Variants in SNRPN observed in about 807,000 individuals in gnomAD.
SNRPN encodes small nuclear ribonucleoprotein-associated protein N.
Under a neutral mutation model 25.2 loss-of-function variants are expected in SNRPN, and 7 were observed. That is an observed-to-expected ratio of 0.28 (90% CI 0.16 to 0.52). The LOEUF (loss-of-function observed/expected upper bound fraction) is 0.52. Among genes scored for constraint, SNRPN ranks in the 20% least tolerant of loss-of-function variants. The probability of loss-of-function intolerance (pLI) is 0.96; values close to 1 mark genes in which losing one functional copy is unlikely to be tolerated. For missense variants in SNRPN, 196 were observed against 322.5 expected (o/e 0.61, Z 3.00); for synonymous variants, 124 against 110.6 (o/e 1.12, Z -0.76).
chr15:24,886,565 G>T (rs1164425291), exon 2 of SNRPN: 1 of 152,192 alleles, frequency 6.6e-6, no homozygotes, highest in Non-Finnish European at 1.5e-5. Flanking sequence ...CACACAGCTA[G>T]CAGCCACGTG....
intron 2 of SNRPN, among the ~76,000 whole-genome samples, chr15:24,846,560 T>A (rs1372735106): frequency 6.6e-6 from 1 of 152,174 alleles, no homozygotes; most frequent in African/African-American, 2.4e-5. Context: ...ATTTAAATAG[T>A]CATAGAAGGA....
At chr15:24,881,882 G>C (rs2056724141) in intron 1 of SNRPN, among the ~76,000 whole-genome samples, 1 of 152,130 alleles carries the variant, frequency 6.6e-6, no homozygotes, top group African/African-American at 2.4e-5. Context: ...CCAGAACAAA[G>C]CCTGGCTTTA....
chr15:24,955,197 A>G, intron 1 of SNRPN, 135 bp downstream of exon 1: 3 of 1,220,042 alleles, frequency 2.5e-6, no homozygotes, highest in South Asian at 1.3e-5. Context: ...TGTTCTGGAG[A>G]ACCAGATCCG....
chr15:24,883,931 GGGAGGT>G (rs2149855442), intron 1 of SNRPN, among the ~76,000 whole-genome samples: 1 of 150,850 alleles, frequency 6.6e-6, no homozygotes, highest in East Asian at 2.0e-4. Flanking sequence ...GCTTGAGCCT[GGGAGGT>G]GGAGGTTGCA....
intron 1 of SNRPN, among the ~76,000 whole-genome samples, chr15:24,826,435 T>A (rs918051741): frequency 1.3e-5 from 2 of 152,138 alleles, no homozygotes; most frequent in Non-Finnish European, 2.9e-5. Context: ...GCTCATTGCC[T>A]GATGTACTGT....
chr15:24,955,773 G>A (rs893388435), intron 1 of SNRPN, among the ~76,000 whole-genome samples: 3 of 151,696 alleles, frequency 2.0e-5, no homozygotes, highest in African/African-American at 4.8e-5. Context: ...TATTGGCGGC[G>A]GTGGGCATTG....
intron 2 of SNRPN, chr15:24,909,506 G>A: frequency 6.6e-7 from 1 of 1,523,412 alleles, no homozygotes; most frequent in Non-Finnish European, 9.0e-7. Context: ...AAGCCTGCGG[G>A]CCAGCGGCAG....
chr15:24,943,015 C>T (rs572924635), intron 3 of SNRPN, among the ~76,000 whole-genome samples: 2 of 151,112 alleles, frequency 1.3e-5, no homozygotes, highest in African/African-American at 2.4e-5. Flanking sequence ...CACATGGCCA[C>T]AAATGTCTTT....
At chr15:24,854,476 A>G (rs1417004761), upstream of SNRPN, among the ~76,000 whole-genome samples, 2 of 152,232 alleles carry the variant, frequency 1.3e-5, no homozygotes, top group African/African-American at 2.4e-5. Flanking sequence ...TTGGAATACA[A>G]CTTTTTGGGT....
chr15:24,977,889 C>A lies in SNRPN; in HGVS notation c.532C>A (p.Pro178Thr). 6.3e-7 allele frequency: 1 copy of A among 1,582,510 alleles called. No individual in the cohort carries two copies. The highest frequency in any genetic ancestry group is 8.6e-7 in the Non-Finnish European group (1 of 1,165,464). Reference sequence around the variant, plus strand: ...ACCAGGACGGGGCACTCCGCCCCCACCCGTCGGCAGAGCAACCCCACCTCC... The same window carrying A: ...ACCAGGACGGGGCACTCCGCCCCCAACCGTCGGCAGAGCAACCCCACCTCC... ...YPPGRGTPPP[P>T]VGRATPPPGI... Residue 178 changes from proline (P) to threonine (T), a missense_variant, in exon 8 of 10, where the codon CCC (proline) becomes ACC (threonine). Coordinates refer to ENST00000390687, the MANE Select transcript of SNRPN (RefSeq NM_003097.6).
intron 1 of SNRPN, among the ~76,000 whole-genome samples, chr15:24,883,553 C>G (rs1375261125): frequency 6.6e-6 from 1 of 152,188 alleles, no homozygotes; most frequent in Admixed American, 6.5e-5. Context: ...TGCAATTGCA[C>G]TTTGGATAAT....
At chr15:24,934,101 C>T (rs1216097291) in intron 3 of SNRPN, among the ~76,000 whole-genome samples, 1 of 152,002 alleles carries the variant, frequency 6.6e-6, no homozygotes, top group African/African-American at 2.4e-5. Context: ...AGTTCGAGAC[C>T]AGCCTGGCCA....
chr15:24,873,235 G>A lies in SNRPN; in HGVS notation c.-578-13281G>A, dbSNP rs2055386431. Among the ~76,000 whole-genome samples the A allele has an allele frequency of 3.3e-5, 4 of 120,702 alleles. 1 individual carries two copies. The South Asian group carries it at 1.2e-3, about 36-fold the overall frequency. 79.2% of individuals were successfully genotyped at this position (120,702 alleles called of 152,430 possible). A position where few individuals can be genotyped will look rare whatever the true frequency, so the allele number is the denominator to read the frequency against. On this transcript the variant is annotated intron_variant, in intron 1 of 11. Coordinates refer to the SNRPN transcript ENST00000400097. ...ACTCTGCTGGACAGCAAGAGGGTGT[G>A]TTCAGGAACCATACCTAGTCTACAA...
At chr15:24,857,587 A>AT (rs5811364) in intron 1 of SNRPN, among the ~76,000 whole-genome samples, 149,902 of 150,098 alleles carry the variant, frequency 1, 74,853 homozygotes, top group East Asian at 1. Flanking sequence ...GTATTTGGGA[A>AT]TTTTTTTTTT....
intron 3 of SNRPN, 91 bp from the exon 4 acceptor site, chr15:24,974,220 G>A (rs989152387): frequency 2.0e-5 from 11 of 547,884 alleles, no homozygotes; most frequent in Non-Finnish European, 3.0e-5. Context: ...GTTTTTGAAC[G>A]TGTCTGTCAT....
intron 1 of SNRPN, among the ~76,000 whole-genome samples, chr15:24,960,550 G>A (rs75754837): frequency 0.04 from 6,044 of 152,208 alleles, 411 homozygotes; most frequent in African/African-American, 0.14. Context: ...CTGGTCTCCT[G>A]AGCTCAAGTG....
intron 2 of SNRPN, among the ~76,000 whole-genome samples, chr15:24,918,572 GTATATATATAACATAATATATA>G (rs1566909271): frequency 0.023 from 1,865 of 81,370 alleles, 308 homozygotes; most frequent in African/African-American, 0.074. Context: ...TAATATATAT[GTATATATATAACATAATATATA>G]TGTATATATA....
At chr15:24,914,059 A>G (rs2059378377) in intron 2 of SNRPN, among the ~76,000 whole-genome samples, 1 of 152,186 alleles carries the variant, frequency 6.6e-6, no homozygotes, top group Non-Finnish European at 1.5e-5. Context: ...TTCAGTGGTT[A>G]GCCTTTGTTC....
chr15:24,971,400 A>G (rs769237207), intron 3 of SNRPN, among the ~76,000 whole-genome samples: 3 of 152,196 alleles, frequency 2.0e-5, no homozygotes, highest in Non-Finnish European at 2.9e-5. Flanking sequence ...ATTGTATCAC[A>G]TTTAGGGATG....
Sources: gnomAD v4.1 joint callset for allele counts (sites outside exome capture counted in the v4.1 genomes callset) on GRCh38, gnomAD v4.1.1 for gene constraint, MANE v1.5 for transcripts, NCBI Gene and HGNC (gene_info 2026-07-23, HGNC 2026-07-21) for gene names.